The following KIF15 variants were observed in gnomAD, a reference collection of about 807,000 sequenced individuals.
KIF15 encodes kinesin family member 15, also known as kinesin-like protein KIF15.
A neutral mutation model predicts 190.6 loss-of-function variants in KIF15; 140 were observed. The ratio of observed to expected loss-of-function variants is 0.73; its 90% CI spans 0.64 to 0.84. The LOEUF is 0.84. Ranked by LOEUF, KIF15 falls within the 40% of genes least tolerant of loss-of-function variation. KIF15 has a pLI of 0.00. For missense variants in KIF15, 1,372 were observed against 1,584.4 expected (o/e 0.87, Z 2.28); for synonymous variants, 528 against 551.3 (o/e 0.96, Z 0.59).
intron 6 of KIF15, chr3:44,865,020 C>A: frequency 6.2e-7 from 1 of 1,613,786 alleles, no homozygotes; most frequent in Admixed American, 1.7e-5. Context: ...GAGTCCCTCA[C>A]AGCTATCTTT....
downstream of KIF15, among the ~76,000 whole-genome samples, chr3:44,854,465 G>A (rs1028933562): frequency 1.3e-5 from 2 of 151,960 alleles, no homozygotes; most frequent in Non-Finnish European, 2.9e-5. Flanking sequence ...AACTCTCAAG[G>A]AATAATAAAT....
chr3:44,843,270 C>A, intron 30 of KIF15, 36 bp downstream of exon 30: 3 of 1,404,274 alleles, frequency 2.1e-6, no homozygotes, highest in South Asian at 2.4e-5. Context: ...TGGGCTAAAT[C>A]TTGGCCTGCC....
chr3:44,868,003 T>C (rs1456519904), intron 6 of KIF15, among the ~76,000 whole-genome samples: 7 of 152,196 alleles, frequency 4.6e-5, no homozygotes, highest in Admixed American at 1.3e-4. Flanking sequence ...AAGTGTGCAA[T>C]TCAGTAGTAT....
chr3:44,773,544 G>A (rs1160236084), intron 1 of KIF15, among the ~76,000 whole-genome samples: 1 of 152,204 alleles, frequency 6.6e-6, no homozygotes, highest in Non-Finnish European at 1.5e-5. Flanking sequence ...TAGAAGAAAA[G>A]ATAGGTGCCA....
chr3:44,777,484 G>A (rs1705947547), intron 3 of KIF15, among the ~76,000 whole-genome samples: 1 of 152,096 alleles, frequency 6.6e-6, no homozygotes, highest in South Asian at 2.1e-4. Context: ...ACGAGGTCAG[G>A]AGTTTGAGAC....
chr3:44,866,165 C>T (rs991065345), intron 6 of KIF15, among the ~76,000 whole-genome samples: 4 of 151,728 alleles, frequency 2.6e-5, no homozygotes, highest in Non-Finnish European at 4.4e-5. Flanking sequence ...CTCTGCCTCC[C>T]GGGTTCGCGC....
At chr3:44,800,806 G>A (rs1707231301) in intron 11 of KIF15, among the ~76,000 whole-genome samples, 1 of 152,190 alleles carries the variant, frequency 6.6e-6, no homozygotes, top group Non-Finnish European at 1.5e-5. Context: ...ATAAAGGCAA[G>A]AGGGTGAATT....
intron 6 of KIF15, among the ~76,000 whole-genome samples, chr3:44,866,259 A>G (rs909954833): frequency 4.0e-5 from 6 of 151,326 alleles, no homozygotes; most frequent in African/African-American, 1.5e-4. Flanking sequence ...TTTTTAGTAG[A>G]GATGGGGTTT....
rs1697941999 is a variant in KIF15 at position 44,829,662 on chromosome 3, G to GCA, written c.2944-309_2944-308insCA. ...TATATATTATATATGTATATATTAT[G>GCA]TATATATAATATATGTATATATATT... On this transcript the variant is annotated intron_variant, in intron 24 of 34. Transcript: ENST00000326047. 2.8e-5 allele frequency among the ~76,000 whole-genome samples: 3 copies of GCA among 107,074 alleles called. No individual in the cohort carries two copies. In the South Asian group the frequency reaches 9.0e-4, roughly 32 times the overall value. The allele number at this position is 107,074 out of a possible 152,430, so 70.2% of individuals were successfully genotyped here.
Position 44,826,165 on chromosome 3 carries a change from T to C in KIF15, c.2676T>C (p.Asn892=). The change falls in exon 21 of 35, where the codon AAT becomes AAC. Residue 892 remains asparagine, a synonymous_variant. Coordinates refer to ENST00000326047, the MANE Select transcript of KIF15 (RefSeq NM_020242.3). ...SRNLQNFKKE[N]ETLKSDLNNL... Reference sequence around the variant, plus strand: ...ACCTCCAAAACTTCAAAAAAGAAAATGAAACTCTGAAATCTGATCTGAATG... The same window carrying C: ...ACCTCCAAAACTTCAAAAAAGAAAACGAAACTCTGAAATCTGATCTGAATG... 2 of 1,576,468 alleles carry C rather than the reference T, an allele frequency of 1.3e-6. No individual in the cohort carries two copies. Among genetic ancestry groups the C allele is most frequent in the Non-Finnish European group, 1.7e-6 (2 of 1,170,342 alleles).
At chr3:44,829,800 A>T (rs1362556263) in intron 24 of KIF15, among the ~76,000 whole-genome samples, 171 bp from the exon 25 acceptor site, 9 of 144,230 alleles carry the variant, frequency 6.2e-5, no homozygotes, top group African/African-American at 2.3e-4. Context: ...ATGCATATAT[A>T]ATATATGTAT....
At chr3:44,799,275 A>G (rs1004088931) in intron 10 of KIF15, 5 of 456,640 alleles carry the variant, frequency 1.1e-5, no homozygotes, top group Non-Finnish European at 2.2e-5. Context: ...AGAGCCTTCT[A>G]CTAGTCACTC....
intron 6 of KIF15, chr3:44,864,451 C>A: frequency 7.0e-7 from 1 of 1,430,524 alleles, no homozygotes; most frequent in Non-Finnish European, 9.6e-7. Flanking sequence ...GGAACTGAAG[C>A]AGAGGTTGGG....
At chr3:44,862,011 G>A (rs1172411591) in intron 6 of KIF15, 38 of 1,381,514 alleles carry the variant, frequency 2.8e-5, no homozygotes, top group Middle Eastern at 2.0e-4. Flanking sequence ...CGCACCTCCA[G>A]GCGGGTGCGA....
Position 44,797,674 on chromosome 3 carries a change from C to G in KIF15, c.973C>G (p.Arg325Gly). Residue 325 changes from arginine (R) to glycine (G), a missense_variant and splice_region_variant, in exon 9 of 35, where the codon CGG becomes GGG. By Grantham distance (125) the Arg-to-Gly change is moderately radical. Coordinates refer to ENST00000326047, the MANE Select transcript of KIF15 (RefSeq NM_020242.3). Reference protein sequence around the residue: ...YRDSKLTFLLRDSLGGNAKTA... With the variant: ...YRDSKLTFLLGDSLGGNAKTA... ...AGACTCCAAACTTACCTTCTTACTA[C>G]GGGTAAAGTAGATCCTTGGGTTCCT... 1 of 1,613,620 alleles carries G rather than the reference C, an allele frequency of 6.2e-7. No homozygotes were observed. Among genetic ancestry groups the G allele is most frequent in the Non-Finnish European group, 8.5e-7 (1 of 1,179,814 alleles).
intron 6 of KIF15, chr3:44,864,292 G>A: frequency 6.2e-7 from 1 of 1,614,210 alleles, no homozygotes; most frequent in Non-Finnish European, 8.5e-7. Context: ...GTTTCTCCAT[G>A]TCTTCAGCCA....
chr3:44,786,316 G>A (rs1273395746), intron 6 of KIF15, 79 bp from the exon 7 acceptor site: 8 of 1,161,256 alleles, frequency 6.9e-6, no homozygotes, highest in East Asian at 4.8e-5. Flanking sequence ...CTTGTGAAGC[G>A]AGTGCAAAAT....
In KIF15 at chr3:44,802,118, C is replaced by T. The variant is rs1377300010; in HGVS notation, c.1509+144C>T. 12 of 602,174 alleles carry T rather than the reference C, an allele frequency of 2.0e-5. No homozygotes were observed. The Admixed American group carries it at 3.7e-4, about 18-fold the overall frequency. 37.3% of individuals were successfully genotyped at this position (602,174 alleles called of 1,614,324 possible). A position where few individuals can be genotyped will look rare whatever the true frequency, so the allele number is the denominator to read the frequency against. On this transcript the variant is annotated intron_variant, in intron 13 of 34. Transcript: ENST00000326047. ...ACAGTGTGATTGCATAATTCCTTTA[C>T]CTGTCTTTTTAAAATAGTTAAAGGG...
intron 1 of KIF15, 65 bp from the exon 2 acceptor site, chr3:44,774,330 T>A: frequency 7.0e-7 from 1 of 1,432,558 alleles, no homozygotes; most frequent in Non-Finnish European, 9.8e-7. Context: ...CAGGAACATG[T>A]TAGAGAAGAA....
Sources: gnomAD v4.1 joint callset for allele counts (sites outside exome capture counted in the v4.1 genomes callset) on GRCh38, gnomAD v4.1.1 for gene constraint, MANE v1.5 for transcripts, NCBI Gene and HGNC (gene_info 2026-07-23, HGNC 2026-07-21) for gene names.